The following PCDHA6 variants were observed in gnomAD, a reference collection of about 807,000 sequenced individuals.
PCDHA6 encodes the protein protocadherin alpha 6.
Under a neutral mutation model 60.3 loss-of-function variants are expected in PCDHA6, and 55 were observed. The ratio of observed to expected loss-of-function variants is 0.91; its 90% CI spans 0.73 to 1.14. PCDHA6 has a LOEUF of 1.14. PCDHA6 is among the 50% of genes most tolerant of loss of function. The pLI, the probability that PCDHA6 is intolerant of heterozygous loss-of-function variation, is 0.00. For missense variants in PCDHA6, 1,327 were observed against 1,256.5 expected (o/e 1.06, Z -0.85); for synonymous variants, 652 against 557.9 (o/e 1.17, Z -2.38).
chr5:140,836,667 GA>G (rs2150267239), intron 1 of PCDHA6: 7 of 1,613,396 alleles, frequency 4.3e-6, no homozygotes, highest in Non-Finnish European at 5.9e-6. Context: ...GTGCTCTGGG[GA>G]GGGCCCACCC....
intron 1 of PCDHA6, chr5:140,870,955 C>A (rs782342308): frequency 1.9e-6 from 3 of 1,613,632 alleles, no homozygotes; most frequent in Non-Finnish European, 2.5e-6. Flanking sequence ...GGGCGGCTCG[C>A]GCATCCCGTT....
chr5:140,999,139 C>T lies in PCDHA6; in HGVS notation c.2543-10488C>T, dbSNP rs185453971. 2.6e-3 allele frequency among the ~76,000 whole-genome samples: 401 copies of T among 152,236 alleles called. 3 individuals carry two copies. The highest frequency in any genetic ancestry group is 5.8e-3 in the South Asian group (28 of 4,818). On this transcript the variant is annotated intron_variant, in intron 3 of 3. Coordinates refer to ENST00000529310, the MANE Select transcript of PCDHA6 (RefSeq NM_018909.4). ...TTTCTAAGCTGGAAAATGTCACAGCCGGAAGTCTTCAGTCCCCTAGAAGGA... is the reference window on the plus strand; with the variant it reads ...TTTCTAAGCTGGAAAATGTCACAGCTGGAAGTCTTCAGTCCCCTAGAAGGA...
intron 1 of PCDHA6, chr5:140,883,158 C>A: frequency 2.5e-6 from 4 of 1,613,710 alleles, no homozygotes; most frequent in Non-Finnish European, 3.4e-6. Flanking sequence ...ACCATAAATC[C>A]GAACAATGGA....
At position 140,935,795 on chromosome 5, in the gene PCDHA6, C is replaced by CTT. The variant is rs555560136; in HGVS notation, c.2395-43154_2395-43153insTT. ...GAGTTTTTTCACTTAAAAATATAAA[C>CTT]GAGATTATTTCATAGTAGTATAGTA... On this transcript the variant is annotated intron_variant, in intron 1 of 3. Coordinates refer to ENST00000529310, the MANE Select transcript of PCDHA6 (RefSeq NM_018909.4). 5.4e-3 allele frequency among the ~76,000 whole-genome samples: 824 copies of CTT among 151,876 alleles called. 3 individuals are homozygous for CTT. Among genetic ancestry groups the CTT allele is most frequent in the African/African-American group, 0.019 (793 of 41,436 alleles).
In PCDHA6 at chr5:140,829,648, G is replaced by C. The variant is rs2150172028; in HGVS notation, c.1557G>C (p.Ala519=). 2 of 1,612,244 alleles carry C rather than the reference G, an allele frequency of 1.2e-6. No individual in the cohort carries two copies. Among genetic ancestry groups the C allele is most frequent in the South Asian group, 2.2e-5 (2 of 91,024 alleles). Residue 519 remains alanine, a synonymous_variant, in exon 1 of 4, where the codon GCG becomes GCC. Transcript: ENST00000529310. ...SVHAESGKVY[A]LQPLDHEELE... ...ACGCGGAGAGCGGCAAGGTGTACGC[G>C]CTGCAGCCGCTGGACCACGAGGAGC...
intron 1 of PCDHA6, among the ~76,000 whole-genome samples, chr5:140,896,631 C>A (rs1583239619): frequency 6.6e-6 from 1 of 152,014 alleles, no homozygotes; most frequent in East Asian, 1.9e-4. Context: ...CCTGCCTTGG[C>A]CTCCCAAAGT....
intron 1 of PCDHA6, among the ~76,000 whole-genome samples, chr5:140,918,655 T>C (rs1248144760): frequency 6.6e-6 from 1 of 152,218 alleles, no homozygotes; most frequent in Non-Finnish European, 1.5e-5. Context: ...CTAATTCTCA[T>C]GTTGATGGTA....
chr5:140,929,065 C>G, intron 1 of PCDHA6: 1 of 1,614,194 alleles, frequency 6.2e-7, no homozygotes. Context: ...TACAGAGGAT[C>G]TGAGGTATGG....
At chr5:140,999,182 G>T (rs1285087964) in intron 3 of PCDHA6, among the ~76,000 whole-genome samples, 4 of 152,204 alleles carry the variant, frequency 2.6e-5, no homozygotes, top group Non-Finnish European at 5.9e-5. Context: ...CTGATGGGGA[G>T]AGGGTCCTTG....
At chr5:140,992,201 CAG>C (rs1587495213) in intron 3 of PCDHA6, among the ~76,000 whole-genome samples, 1 of 152,256 alleles carries the variant, frequency 6.6e-6, no homozygotes, top group East Asian at 1.9e-4. Context: ...TCTATCCAAT[CAG>C]ATAAACTACT....
chr5:141,009,948 T>C lies in PCDHA6; in HGVS notation c.*11T>C, dbSNP rs201131092. 1 of 1,595,948 alleles carries C rather than the reference T, an allele frequency of 6.3e-7. No individual in the cohort carries two copies. The highest frequency in any genetic ancestry group is 1.4e-5 in the African/African-American group (1 of 73,610). On this transcript the variant is annotated 3_prime_UTR_variant, in exon 4 of 4. Coordinates refer to ENST00000529310, the MANE Select transcript of PCDHA6 (RefSeq NM_018909.4). ...AACAGTGACCAGTGAGGTCCTCAAA[T>C]GGAAACAAGCCACTTAGCCAGTTTT...
At chr5:140,843,056 A>C in intron 1 of PCDHA6, 1 of 1,594,198 alleles carries the variant, frequency 6.3e-7, no homozygotes, top group Non-Finnish European at 8.6e-7. Context: ...CGCAGCGAGC[A>C]AGCTGGTGCC....
intron 1 of PCDHA6, among the ~76,000 whole-genome samples, chr5:140,846,373 C>CTTTTTTTTTT (rs374699051): frequency 3.6e-5 from 2 of 55,152 alleles, no homozygotes; most frequent in South Asian, 1.0e-3. Flanking sequence ...TTCTTTCTTT[C>CTTTTTTTTTT]TTTTTTTTTT....
In PCDHA6 at chr5:140,830,080, C is replaced by T. The variant is rs2150180869; in HGVS notation, c.1989C>T (p.Ala663=). The T allele has an allele frequency of 3.1e-6, 5 of 1,613,516 alleles. No individual in the cohort carries two copies. The South Asian group carries it at 5.5e-5, about 18-fold the overall frequency. ...DHGEPALTAT[A]TVLVSLVESG... Reference sequence around the variant, plus strand: ...GTGAGCCGGCGCTGACAGCGACGGCCACGGTTCTGGTGTCGCTGGTGGAGA... The same window carrying T: ...GTGAGCCGGCGCTGACAGCGACGGCTACGGTTCTGGTGTCGCTGGTGGAGA... The change falls in exon 1 of 4, where the codon GCC becomes GCT. Residue 663 remains alanine (A), a synonymous_variant. Transcript: ENST00000529310.
intron 1 of PCDHA6, among the ~76,000 whole-genome samples, chr5:140,840,258 A>AT (rs1258351713): frequency 9.9e-5 from 15 of 152,108 alleles, no homozygotes; most frequent in South Asian, 2.1e-4. Context: ...AAAAATTGTG[A>AT]TTTTTTAATG....
At chr5:140,865,232 A>T (rs577307618) in intron 1 of PCDHA6, 1 of 152,202 alleles carries the variant, frequency 6.6e-6, no homozygotes, top group Non-Finnish European at 1.5e-5. Context: ...ATCCCAGAGA[A>T]CACGTATTTA....
At position 140,830,473 on chromosome 5, in the gene PCDHA6, T is replaced by A. The variant is rs2150186969; in HGVS notation, c.2382T>A (p.Asp794Glu). ...CGGAGAATCAGGATTTAAATGAAGA[T>A]CATGATGCCAAAGTAAGTGAATTTT... ...GKAENQDLNEDHDAKPRQPNP... is the reference protein window; with the variant it reads ...GKAENQDLNEEHDAKPRQPNP... The change falls in exon 1 of 4, where the codon GAT (aspartate) becomes GAA (glutamate). Residue 794 changes from aspartate to glutamate, a missense_variant. Physicochemically the swap from Asp to Glu is conservative, Grantham distance 45. Coordinates refer to ENST00000529310, the MANE Select transcript of PCDHA6 (RefSeq NM_018909.4). 2 of 1,553,368 alleles carry A rather than the reference T, an allele frequency of 1.3e-6. No individual in the cohort carries two copies. Among genetic ancestry groups the A allele is most frequent in the African/African-American group, 1.4e-5 (1 of 73,292 alleles).
intron 1 of PCDHA6, chr5:140,869,579 A>G: frequency 6.2e-7 from 1 of 1,614,178 alleles, no homozygotes; most frequent in Non-Finnish European, 8.5e-7. Flanking sequence ...GGAGCTTCTG[A>G]TGCTGACATT....
rs2150489798 is a variant in PCDHA6, at chr5:140,850,571, G to T, written c.2394+20086G>T. 5 of 1,598,430 alleles carry T rather than the reference G, an allele frequency of 3.1e-6. No individual in the cohort carries two copies. In the East Asian group the frequency reaches 1.1e-4, roughly 36 times the overall value. ...TGGGTGCCACGGGCCCCGAGGTGAC[G>T]CTGGTGGATGTCAACGTGTACCTGA... On this transcript the variant is annotated intron_variant, in intron 1 of 3. Coordinates refer to ENST00000529310, the MANE Select transcript of PCDHA6 (RefSeq NM_018909.4).
Sources: allele counts gnomAD v4.1 joint callset (sites outside exome capture counted in the v4.1 genomes callset), GRCh38; gene constraint gnomAD v4.1.1; transcripts MANE v1.5; gene names NCBI Gene and HGNC (gene_info 2026-07-23, HGNC 2026-07-21).